Variants in PDE4DIP observed in about 807,000 individuals in gnomAD.
The protein encoded by PDE4DIP is phosphodiesterase 4D interacting protein, also known as myomegalin.
Under a neutral mutation model 221.4 loss-of-function variants are expected in PDE4DIP, and 59 were observed. That is an observed-to-expected ratio of 0.27 (90% CI 0.22 to 0.33). The LOEUF is 0.33. PDE4DIP is among the 10% of genes least tolerant of loss of function. The pLI, the probability that PDE4DIP is intolerant of heterozygous loss-of-function variation, is 1.00. For missense variants in PDE4DIP, 1,036 were observed against 2,154.2 expected (o/e 0.48, Z 10.28); for synonymous variants, 404 against 815.9 (o/e 0.50, Z 8.60).
At chr1:148,964,341 C>G (rs1197780833) in intron 9 of PDE4DIP, among the ~76,000 whole-genome samples, 4 of 152,042 alleles carry the variant, frequency 2.6e-5, no homozygotes, top group African/African-American at 9.7e-5. Flanking sequence ...CTCCCGACCT[C>G]TGGTGATCTG....
At chr1:148,958,134 CAAAT>C (rs1187507773) in intron 5 of PDE4DIP, among the ~76,000 whole-genome samples, 1 of 128,084 alleles carries the variant, frequency 7.8e-6, no homozygotes, top group Non-Finnish European at 1.7e-5. Flanking sequence ...ACAAATATCT[CAAAT>C]AATTTTTCCA....
At chr1:148,820,548 T>C (rs1668816944) in intron 1 of PDE4DIP, among the ~76,000 whole-genome samples, 1 of 92,918 alleles carries the variant, frequency 1.1e-5, no homozygotes, top group African/African-American at 4.1e-5. Context: ...GCCTGGAAAC[T>C]CCATCTCAAA....
At chr1:148,975,728 G>A (rs1305932249) in intron 17 of PDE4DIP, among the ~76,000 whole-genome samples, 23 of 152,112 alleles carry the variant, frequency 1.5e-4, no homozygotes, top group African/African-American at 5.5e-4. Flanking sequence ...CAGAGTTACA[G>A]ACTGAAACTA....
At chr1:148,828,939 T>C (rs1462509998) in intron 1 of PDE4DIP, among the ~76,000 whole-genome samples, 2 of 150,734 alleles carry the variant, frequency 1.3e-5, no homozygotes, top group Admixed American at 6.6e-5. Context: ...AATGAATGAA[T>C]GAACGAATGA....
chr1:148,938,009 T>A, intron 5 of PDE4DIP, 145 bp downstream of exon 8: 2 of 520,852 alleles, frequency 3.8e-6, no homozygotes, highest in Non-Finnish European at 6.9e-6. Flanking sequence ...TTTTGTTATC[T>A]CACAGTTTCT....
intron 32 of PDE4DIP, among the ~76,000 whole-genome samples, chr1:149,013,781 CTTTTTTTTTTTT>C (rs71582768): frequency 3.1e-5 from 1 of 31,944 alleles, no homozygotes; most frequent in Non-Finnish European, 5.1e-5. Context: ...CCTTCTTCCT[CTTTTTTTTTTTT>C]TTTTTTTTTT....
chr1:148,981,119 A>C (rs191640221), intron 20 of PDE4DIP, 151 bp from the exon 24 acceptor site: 37 of 713,072 alleles, frequency 5.2e-5, no homozygotes, highest in Admixed American at 2.3e-4. Flanking sequence ...AATGCCACAC[A>C]AAGACTACAT....
rs1302173341 is a variant in PDE4DIP, at chr1:148,940,774, A to G, written c.636+2910A>G. ...TTTCCTTGTTTCTCCCTTTGGGTCT[A>G]CGTCTTATGGGAAAAAAAATTGGGC... is the stretch of plus-strand genomic sequence containing the variant. On this transcript the variant is annotated intron_variant, in intron 5 of 43. Transcript: ENST00000369354. 4.0e-5 allele frequency among the ~76,000 whole-genome samples: 6 copies of G among 148,266 alleles called. No homozygotes were observed. The South Asian group carries it at 6.5e-4, about 16-fold the overall frequency.
chr1:149,025,915 G>C, intron 38 of PDE4DIP: 1 of 152,240 alleles, frequency 6.6e-6, no homozygotes, highest in East Asian at 1.9e-4. Context: ...GCACTGCTCA[G>C]CTTACATTAG....
intron 6 of PDE4DIP, among the ~76,000 whole-genome samples, chr1:148,961,593 A>G (rs1553510029): frequency 1.3e-5 from 2 of 152,260 alleles, no homozygotes; most frequent in Non-Finnish European, 2.9e-5. Context: ...TATGGCTGCC[A>G]TCATAGAGAG....
intron 5 of PDE4DIP, chr1:148,953,600 T>G: frequency 6.3e-7 from 1 of 1,590,500 alleles, no homozygotes; most frequent in South Asian, 1.1e-5. Flanking sequence ...GTGTGACTGT[T>G]GTTCAGATGA....
At chr1:148,914,996 A>G (rs1297322402) in intron 1 of PDE4DIP, among the ~76,000 whole-genome samples, 3 of 146,392 alleles carry the variant, frequency 2.0e-5, no homozygotes, top group African/African-American at 7.8e-5. Flanking sequence ...TAATTAATAC[A>G]TAAGTGGAAG....
chr1:148,952,064 G>A (rs2151279330), intron 5 of PDE4DIP: 3 of 1,013,044 alleles, frequency 3.0e-6, no homozygotes, highest in Non-Finnish European at 3.5e-6. Flanking sequence ...AGAATGCAGG[G>A]AGGGGATTCG....
chr1:148,963,748 C>T (rs1400413239), intron 9 of PDE4DIP, among the ~76,000 whole-genome samples: 12 of 89,152 alleles, frequency 1.3e-4, no homozygotes, highest in South Asian at 9.1e-4. Flanking sequence ...TTCTTTCCTT[C>T]TTTTTTTTTT....
rs2152230166 is a variant in PDE4DIP, at chr1:148,981,158, C to A, written c.2688-112C>A. On this transcript the variant is annotated intron_variant, in intron 20 of 43. Transcript: ENST00000369354. Reference sequence around the variant, plus strand: ...TTTATTGTGTCCTGGAGAACAATTACTTTACAAAGTCGTGTGGCTCAAAGT... The same window carrying A: ...TTTATTGTGTCCTGGAGAACAATTAATTTACAAAGTCGTGTGGCTCAAAGT... The A allele has an allele frequency of 3.2e-6, 3 of 938,572 alleles. No homozygotes were observed. In the South Asian group the frequency reaches 4.4e-5, roughly 14 times the overall value. The allele number at this position is 938,572 out of a possible 1,614,324, so 58.1% of individuals were successfully genotyped here.
chr1:148,983,006 C>T (rs2061359751), intron 21 of PDE4DIP: 1 of 151,984 alleles, frequency 6.6e-6, no homozygotes, highest in Non-Finnish European at 1.5e-5. Context: ...TAGCCATAAG[C>T]CTTACTCTTA....
chr1:148,971,878 A>AT (rs2059285801), intron 14 of PDE4DIP, among the ~76,000 whole-genome samples: 1 of 137,818 alleles, frequency 7.3e-6, no homozygotes, highest in Non-Finnish European at 1.6e-5. Flanking sequence ...CCAGAATCTT[A>AT]ACACCTTAGC....
At chr1:149,031,622 A>T (rs1444231985) in intron 43 of PDE4DIP, among the ~76,000 whole-genome samples, 1 of 122,292 alleles carries the variant, frequency 8.2e-6, no homozygotes, top group Non-Finnish European at 1.7e-5. Context: ...TTGGGTGGAC[A>T]TGGCAAAGGC....
intron 4 of PDE4DIP, among the ~76,000 whole-genome samples, chr1:148,933,557 A>G (rs1432895258): frequency 3.9e-5 from 6 of 152,330 alleles, no homozygotes; most frequent in African/African-American, 1.4e-4. Flanking sequence ...GAAATAGATA[A>G]TTCAACAACA....
Sources: gnomAD v4.1 joint callset for allele counts (sites outside exome capture counted in the v4.1 genomes callset) on GRCh38, gnomAD v4.1.1 for gene constraint, MANE v1.5 for transcripts, NCBI Gene and HGNC (gene_info 2026-07-23, HGNC 2026-07-21) for gene names.